ZER1: variants seen among roughly 807,000 people sequenced by gnomAD.
ZER1 encodes the protein zyg-11 related cell cycle regulator.
In ZER1, 11 loss-of-function variants were observed where a neutral mutation model predicts 78.8. The ratio of observed to expected loss-of-function variants is 0.14; its 90% CI spans 0.09 to 0.23. The LOEUF is 0.23. Ranked by LOEUF, ZER1 falls within the 10% of genes least tolerant of loss-of-function variation. The probability of loss-of-function intolerance (pLI) is 1.00; values close to 1 mark genes in which losing one functional copy is unlikely to be tolerated. For synonymous variants in ZER1, 400 were observed against 407.0 expected, an observed-to-expected ratio of 0.98 and a Z score of 0.21; for missense variants, 588 against 996.9, an observed-to-expected ratio of 0.59 and a Z score of 5.52.
chr9:128,737,105 T>C (rs932306785), intron 13 of ZER1, among the ~76,000 whole-genome samples: 2 of 151,966 alleles, frequency 1.3e-5, no homozygotes, highest in Admixed American at 1.3e-4. Context: ...GATCACACCA[T>C]TGCACTCCAG....
intron 13 of ZER1, among the ~76,000 whole-genome samples, chr9:128,736,148 C>T (rs1278099341): frequency 6.6e-6 from 1 of 151,838 alleles, no homozygotes; most frequent in South Asian, 2.1e-4. Context: ...GACGGGGTTT[C>T]ACCGTGTTAG....
chr9:128,772,097 C>G (rs188856147), upstream of ZER1, among the ~76,000 whole-genome samples: 133 of 152,354 alleles, frequency 8.7e-4, no homozygotes, highest in East Asian at 0.023. Context: ...GATGCCCCCC[C>G]CAGGCCACCC....
Position 128,734,144 on chromosome 9 carries a change from A to AAATATATAT in ZER1, c.2141-617_2141-616insATATATATT. ...CTCCGTCTCAAAAAAAAAAAAAAAA[A>AAATATATAT]ATATATATATATATATATAAAATCT... On this transcript the variant is annotated intron_variant, in intron 14 of 15. Coordinates refer to ENST00000291900, the MANE Select transcript of ZER1 (RefSeq NM_006336.4). Among the ~76,000 whole-genome samples the AAATATATAT allele has an allele frequency of 1.9e-3, 27 of 14,442 alleles. 1 individual carries two copies. Among genetic ancestry groups the AAATATATAT allele is most frequent in the South Asian group, 4.2e-3 (1 of 240 alleles). 9.5% of individuals were successfully genotyped at this position (14,442 alleles called of 152,430 possible).
At chr9:128,741,733 C>A (rs1161992256) in intron 10 of ZER1, 67 bp downstream of exon 10, 2 of 1,613,922 alleles carry the variant, frequency 1.2e-6, no homozygotes, top group Admixed American at 1.7e-5. Context: ...AGACCTCCCC[C>A]AGGGGCAGCC....
chr9:128,760,724 C>T lies in ZER1; in HGVS notation c.-94-5065G>A, dbSNP rs200825640. The stretch of plus-strand genomic sequence containing the variant: ...AGGAGAATCACTTGAACCTGGGAGG[C>T]GGAGGTTGCAGCGAGCCAAGATTGC... On this transcript the variant is annotated intron_variant, in intron 1 of 15. Coordinates refer to ENST00000291900, the MANE Select transcript of ZER1 (RefSeq NM_006336.4). Among the ~76,000 whole-genome samples, 82 of 151,748 alleles carry T rather than the reference C, an allele frequency of 5.4e-4. 1 individual carries two copies. The East Asian group carries it at 0.014, about 25-fold the overall frequency.
chr9:128,749,172 A>G (rs1403193289), intron 8 of ZER1, among the ~76,000 whole-genome samples: 1 of 151,156 alleles, frequency 6.6e-6, no homozygotes, highest in African/African-American at 2.4e-5. Flanking sequence ...TACTAAAAAT[A>G]CAAATATTAG....
chr9:128,766,867 A>AAAAAAAC, intron 1 of ZER1, among the ~76,000 whole-genome samples: 1 of 150,528 alleles, frequency 6.6e-6, no homozygotes, highest in Non-Finnish European at 1.5e-5. Flanking sequence ...AAAAAAAAAA[A>AAAAAAAC]AGACCCAGTG....
chr9:128,762,210 A>T (rs1864073930), intron 1 of ZER1, among the ~76,000 whole-genome samples: 1 of 152,058 alleles, frequency 6.6e-6, no homozygotes, highest in Admixed American at 6.6e-5. Flanking sequence ...GGAAGCTAAA[A>T]GATTGGACAC....
chr9:128,761,969 C>A (rs932764728), intron 1 of ZER1, among the ~76,000 whole-genome samples: 1 of 152,030 alleles, frequency 6.6e-6, no homozygotes, highest in Non-Finnish European at 1.5e-5. Flanking sequence ...TAGACTGGAA[C>A]CTGGTCTCGT....
In ZER1 at chr9:128,753,644, T is replaced by C. The variant is rs746922169; in HGVS notation, c.310-44A>G. 2.1e-5 allele frequency: 34 copies of C among 1,595,840 alleles called. No individual in the cohort carries two copies. Among genetic ancestry groups the C allele is most frequent in the Middle Eastern group, 3.3e-4 (2 of 6,006 alleles). On this transcript the variant is annotated intron_variant, in intron 3 of 15. Transcript: ENST00000291900. The surrounding 1 kb of genome is among the most constrained non-coding windows in gnomAD (Gnocchi z 7.5). ...CCATCATCATCACCACCCTTGCCCCTTCCCCCGGCCCCAGGCCTTGCCCTG... is the reference window on the plus strand; with the variant it reads ...CCATCATCATCACCACCCTTGCCCCCTCCCCCGGCCCCAGGCCTTGCCCTG...
In ZER1 at chr9:128,740,954, A is replaced by G. The variant is rs1468702049; in HGVS notation, c.1738-67T>C. On this transcript the variant is annotated intron_variant, in intron 11 of 15. Transcript: ENST00000291900. The surrounding 1 kb of genome is among the most constrained non-coding windows in gnomAD (Gnocchi z 4.4). The stretch of plus-strand genomic sequence containing the variant: ...AATGACTTAGTATCTGGTATTGTTA[A>G]CCAAAAAGCTTCATGGGCATCTGGC... 2.6e-6 allele frequency: 2 copies of G among 755,204 alleles called. No individual in the cohort carries two copies. The highest frequency in any genetic ancestry group is 3.4e-5 in the African/African-American group (2 of 58,110). The allele number at this position is 755,204 out of a possible 1,614,324, so 46.8% of individuals were successfully genotyped here.
rs1863840031 is a variant in ZER1, at chr9:128,755,831, T to A, written c.-94-172A>T. Among the ~76,000 whole-genome samples the A allele has an allele frequency of 6.6e-6, 1 of 152,196 alleles. No individual in the cohort carries two copies. The highest frequency in any genetic ancestry group is 2.1e-4 in the South Asian group (1 of 4,834). On this transcript the variant is annotated intron_variant, in intron 1 of 15. Coordinates refer to ENST00000291900, the MANE Select transcript of ZER1 (RefSeq NM_006336.4). The surrounding 1 kb of genome is among the most constrained non-coding windows in gnomAD (Gnocchi z 5.6). ...TTCACCCGCCTCTGCTGTGCCACTATCTATGCACAATTTGACCTGCAAAGA... is the reference window on the plus strand; with the variant it reads ...TTCACCCGCCTCTGCTGTGCCACTAACTATGCACAATTTGACCTGCAAAGA...
At chr9:128,742,455 A>T (rs1863333566) in intron 9 of ZER1, 75 bp downstream of exon 9, 1 of 1,549,568 alleles carries the variant, frequency 6.5e-7, no homozygotes, top group African/African-American at 1.4e-5. Context: ...CTGCTCTGAG[A>T]CTCTCGCTCA....
At chr9:128,742,480 G>A in intron 9 of ZER1, 50 bp downstream of exon 9, 8 of 1,602,794 alleles carry the variant, frequency 5.0e-6, no homozygotes, top group Non-Finnish European at 6.8e-6. Flanking sequence ...AGAGGGGTGG[G>A]GGAGAGCAGT....
intron 14 of ZER1, among the ~76,000 whole-genome samples, chr9:128,734,144 A>AATATATATATATAT (rs1220785593): frequency 1.5e-3 from 21 of 14,420 alleles, no homozygotes; most frequent in South Asian, 4.2e-3. Context: ...AAAAAAAAAA[A>AATATATATATATAT]ATATATATAT....
In ZER1 at chr9:128,743,575, C is replaced by T. The variant is rs182055258; in HGVS notation, c.1360-830G>A. Reference sequence around the variant, plus strand: ...TAGCTGGTACTACAGCTGTGTGCCACCATATGCGCAGCTATTTTGTTTTTT... The same window carrying T: ...TAGCTGGTACTACAGCTGTGTGCCATCATATGCGCAGCTATTTTGTTTTTT... On this transcript the variant is annotated intron_variant, in intron 8 of 15. Coordinates refer to ENST00000291900, the MANE Select transcript of ZER1 (RefSeq NM_006336.4). Among the ~76,000 whole-genome samples, 22 of 151,674 alleles carry T rather than the reference C, an allele frequency of 1.5e-4. No homozygotes were observed. The East Asian group carries it at 4.3e-3, about 29-fold the overall frequency.
At chr9:128,742,111 C>T (rs761837162) in intron 9 of ZER1, among the ~76,000 whole-genome samples, 6 of 152,238 alleles carry the variant, frequency 3.9e-5, no homozygotes, top group East Asian at 1.9e-4. Context: ...GCTTGAGCTT[C>T]GCTGCCATCA....
rs1164207624 is a variant in ZER1, at chr9:128,729,947, G to A, written c.*1390C>T. ...GCGCCGCATGCAGCCCATCTGCCAAGCTGGGGGAACACAGGGCTGCGCCCA... is the reference window on the plus strand; with the variant it reads ...GCGCCGCATGCAGCCCATCTGCCAAACTGGGGGAACACAGGGCTGCGCCCA... On this transcript the variant is annotated 3_prime_UTR_variant, in exon 16 of 16. Coordinates refer to ENST00000291900, the MANE Select transcript of ZER1 (RefSeq NM_006336.4). The A allele has an allele frequency of 6.5e-6, 1 of 152,736 alleles. No individual in the cohort carries two copies. The highest frequency in any genetic ancestry group is 1.5e-5 in the Non-Finnish European group (1 of 68,310). 9.5% of individuals were successfully genotyped at this position (152,736 alleles called of 1,614,324 possible).
chr9:128,740,995 A>G lies in ZER1; in HGVS notation c.1738-108T>C. On this transcript the variant is annotated intron_variant, in intron 11 of 15. Coordinates refer to ENST00000291900, the MANE Select transcript of ZER1 (RefSeq NM_006336.4). This position sits in a 1 kb window ranked among gnomAD's most constrained non-coding sequence, Gnocchi z 4.4. ...GGCATCTGGCCATGCCAACTAGACA[A>G]AGAGGGGGCATATATGCTGCCCTCC... The G allele has an allele frequency of 1.5e-6, 1 of 685,126 alleles. No individual in the cohort carries two copies. Among genetic ancestry groups the G allele is most frequent in the Non-Finnish European group, 2.7e-6 (1 of 370,962 alleles). 42.4% of individuals were successfully genotyped at this position (685,126 alleles called of 1,614,324 possible). A position where few individuals can be genotyped will look rare whatever the true frequency, so the allele number is the denominator to read the frequency against.
Sources: gnomAD v4.1 joint callset for allele counts (sites outside exome capture counted in the v4.1 genomes callset) on GRCh38, gnomAD v4.1.1 for gene constraint, Gnocchi (gnomAD v3.1) non-coding constraint, MANE v1.5 for transcripts, NCBI Gene and HGNC (gene_info 2026-07-23, HGNC 2026-07-21) for gene names.